The following TRPC1 variants were observed in gnomAD, a reference collection of about 807,000 sequenced individuals.
TRPC1 encodes the protein transient receptor potential cation channel subfamily C member 1, also known as short transient receptor potential channel 1.
TRPC1 carries 42 observed loss-of-function variants against 88.2 expected under a neutral mutation model. The ratio of observed to expected loss-of-function variants is 0.48; its 90% confidence interval spans 0.37 to 0.62. The LOEUF (loss-of-function observed/expected upper bound fraction) is 0.62, where lower values mean the gene tolerates loss of function less well. Ranked by LOEUF, TRPC1 falls within the 20% of genes least tolerant of loss-of-function variation. The pLI is 0.00. For synonymous variants in TRPC1, 288 were observed against 331.8 expected (o/e 0.87, Z 1.43); for missense variants, 699 against 957.3 (o/e 0.73, Z 3.56).
chr3:142,775,099 ATAGG>A (rs1310694517), intron 4 of TRPC1, among the ~76,000 whole-genome samples: 2 of 143,164 alleles, frequency 1.4e-5, no homozygotes, highest in Non-Finnish European at 3.2e-5. Flanking sequence ...ACAGTGTAGT[ATAGG>A]TAAATATGTC....
chr3:142,804,335 G>C lies in TRPC1; in HGVS notation c.1960-101G>C, dbSNP rs916613890. 5.0e-6 allele frequency: 6 copies of C among 1,193,150 alleles called. No individual in the cohort carries two copies. In the African/African-American group the frequency reaches 9.3e-5, roughly 19 times the overall value. The allele number at this position is 1,193,150 out of a possible 1,614,324, so 73.9% of individuals were successfully genotyped here. A position where few individuals can be genotyped will look rare whatever the true frequency, so the allele number is the denominator to read the frequency against. ...AAAATGTAAGTAATGTATAATAATT[G>C]CAAATGTTGAACAAAATTTTTCTGC... On this transcript the variant is annotated intron_variant, in intron 11 of 12. Transcript: ENST00000476941.
intron 8 of TRPC1, among the ~76,000 whole-genome samples, chr3:142,791,856 T>C (rs988912135): frequency 3.3e-5 from 5 of 152,154 alleles, no homozygotes; most frequent in Admixed American, 1.3e-4. Flanking sequence ...CCCTTATAGA[T>C]AACTTACAAT....
chr3:142,791,999 T>C (rs991277794), intron 8 of TRPC1, among the ~76,000 whole-genome samples: 1 of 152,022 alleles, frequency 6.6e-6, no homozygotes, highest in African/African-American at 2.4e-5. Context: ...ATATATAATA[T>C]TCTCTGTTTT....
At chr3:142,727,664 T>C (rs2108004000) in intron 1 of TRPC1, among the ~76,000 whole-genome samples, 1 of 152,308 alleles carries the variant, frequency 6.6e-6, no homozygotes, top group African/African-American at 2.4e-5. Context: ...CAGCAATATA[T>C]AAAGTGAAGT....
intron 4 of TRPC1, among the ~76,000 whole-genome samples, chr3:142,768,290 T>C (rs1935466360): frequency 6.6e-6 from 1 of 152,120 alleles, no homozygotes; most frequent in Admixed American, 6.5e-5. Flanking sequence ...TTTCTAACAA[T>C]TGCTCCATTA....
chr3:142,744,913 G>C (rs58421597), intron 3 of TRPC1, among the ~76,000 whole-genome samples: 10,654 of 152,192 alleles, frequency 0.07, 1,217 homozygotes, highest in African/African-American at 0.24. Flanking sequence ...ATATAGGCTG[G>C]CTATAAGCAG....
chr3:142,745,851 G>A (rs1031091870), intron 3 of TRPC1, among the ~76,000 whole-genome samples: 1 of 151,686 alleles, frequency 6.6e-6, no homozygotes, highest in Non-Finnish European at 1.5e-5. Flanking sequence ...TCCACTTCCC[G>A]GGTTCAAGTG....
chr3:142,757,368 G>A (rs1439105087), intron 4 of TRPC1, among the ~76,000 whole-genome samples: 14 of 151,766 alleles, frequency 9.2e-5, no homozygotes, highest in African/African-American at 3.1e-4. Flanking sequence ...TGTTTATTGC[G>A]GCACTATTCA....
chr3:142,802,321 G>A lies in TRPC1; in HGVS notation c.1734G>A (p.Gln578=). Residue 578 remains glutamine (Q), a synonymous_variant, in exon 10 of 13, where the codon CAG becomes CAA. Coordinates refer to ENST00000476941, the MANE Select transcript of TRPC1 (RefSeq NM_001251845.2). ...QKDCVGIFCE[Q]QSNDTFHSFI... is the part of the protein sequence containing the mutation. The stretch of plus-strand genomic sequence containing the variant: ...ACTGTGTAGGCATCTTCTGTGAACA[G>A]CAAAGCAATGATACCTTCCATTCGT... 3 of 1,468,246 alleles carry A rather than the reference G, an allele frequency of 2.0e-6. No homozygotes were observed. The highest frequency in any genetic ancestry group is 2.7e-6 in the Non-Finnish European group (3 of 1,111,116). 91.0% of individuals were successfully genotyped at this position (1,468,246 alleles called of 1,614,324 possible).
chr3:142,793,005 T>C, intron 9 of TRPC1, 38 bp downstream of exon 9: 2 of 1,491,072 alleles, frequency 1.3e-6, no homozygotes, highest in Middle Eastern at 3.7e-4. Flanking sequence ...ATTTTTTAGA[T>C]GTCATTATTG....
chr3:142,765,611 T>A (rs746520741), intron 4 of TRPC1, among the ~76,000 whole-genome samples: 5 of 152,130 alleles, frequency 3.3e-5, no homozygotes, highest in Non-Finnish European at 7.4e-5. Context: ...TAACTGGCTA[T>A]CCAGATGCAG....
In TRPC1 at chr3:142,807,475, A is replaced by G. The variant is rs1301753511; in HGVS notation, c.*1240A>G. 6.6e-6 allele frequency: 1 copy of G among 152,212 alleles called. No individual in the cohort carries two copies. Among genetic ancestry groups the G allele is most frequent in the Non-Finnish European group, 1.5e-5 (1 of 68,036 alleles). 9.4% of individuals were successfully genotyped at this position (152,212 alleles called of 1,614,324 possible). ...CAGTTAAGAGGATATTAGGTATATA[A>G]TTCTCTTCTTAACCGAATGTCAGAT... On this transcript the variant is annotated 3_prime_UTR_variant, in exon 13 of 13. Transcript: ENST00000476941.
chr3:142,805,609 G>T (rs1936770548), intron 12 of TRPC1, among the ~76,000 whole-genome samples: 1 of 152,094 alleles, frequency 6.6e-6, no homozygotes, highest in Admixed American at 6.5e-5. Context: ...TTCCTTTTGG[G>T]AGGGGATAAA....
intron 6 of TRPC1, 89 bp from the exon 7 acceptor site, chr3:142,784,615 A>C (rs1166617941): frequency 9.6e-7 from 1 of 1,039,216 alleles, no homozygotes; most frequent in Non-Finnish European, 1.4e-6. Context: ...TTAAACTCTT[A>C]TTCAGTAAAC....
At chr3:142,803,416 T>C (rs977994758) in intron 10 of TRPC1, among the ~76,000 whole-genome samples, 1 of 152,190 alleles carries the variant, frequency 6.6e-6, no homozygotes, top group African/African-American at 2.4e-5. Flanking sequence ...GGGGGAGTTG[T>C]AGGAAATGAA....
chr3:142,731,731 G>A (rs1933927161), intron 1 of TRPC1, among the ~76,000 whole-genome samples: 1 of 152,096 alleles, frequency 6.6e-6, no homozygotes, highest in Admixed American at 6.6e-5. Context: ...AGTGCAGAGT[G>A]GATTGAAGGG....
intron 3 of TRPC1, among the ~76,000 whole-genome samples, chr3:142,746,751 A>G (rs1167765676): frequency 6.6e-6 from 1 of 152,132 alleles, no homozygotes; most frequent in African/African-American, 2.4e-5. Context: ...CTTTAACAAT[A>G]TGTTTCAAGA....
intron 10 of TRPC1, among the ~76,000 whole-genome samples, chr3:142,803,382 G>T (rs1578015539): frequency 1.3e-5 from 2 of 152,206 alleles, no homozygotes; most frequent in East Asian, 3.8e-4. Context: ...GGCAGCCAGT[G>T]TGGATGGAAT....
intron 9 of TRPC1, among the ~76,000 whole-genome samples, chr3:142,795,711 C>T (rs1367881594): frequency 4.6e-5 from 7 of 151,986 alleles, no homozygotes; most frequent in Non-Finnish European, 8.8e-5. Flanking sequence ...CTACAAGGAA[C>T]GTTAATAGAA....
Sources: allele counts gnomAD v4.1 joint callset (sites outside exome capture counted in the v4.1 genomes callset), GRCh38; gene constraint gnomAD v4.1.1; transcripts MANE v1.5; gene names NCBI Gene and HGNC (gene_info 2026-07-23, HGNC 2026-07-21).